Variants in AFAP1L2 observed in about 807,000 individuals in gnomAD.
AFAP1L2 encodes the protein actin filament-associated protein 1-like 2.
A neutral mutation model predicts 99.3 loss-of-function variants in AFAP1L2; 46 were observed. The observed-to-expected ratio is 0.46, with a 90% CI of 0.37 to 0.59. The LOEUF (loss-of-function observed/expected upper bound fraction) is 0.59. Ranked by LOEUF, AFAP1L2 falls within the 20% of genes least tolerant of loss-of-function variation. AFAP1L2 has a pLI of 0.00. For missense variants in AFAP1L2, 959 were observed against 1,034.9 expected, an observed-to-expected ratio of 0.93 and a Z score of 1.01; for synonymous variants, 397 against 419.1, an observed-to-expected ratio of 0.95 and a Z score of 0.64.
chr10:114,386,376 G>C (rs1269273224), intron 1 of AFAP1L2, among the ~76,000 whole-genome samples: 6 of 152,002 alleles, frequency 3.9e-5, no homozygotes, highest in Non-Finnish European at 8.8e-5. Context: ...ACTCCAGACT[G>C]GGCAACAGAG....
At chr10:114,333,374 G>A (rs1045512948) in intron 2 of AFAP1L2, 79 bp from the exon 3 acceptor site, 3 of 1,176,648 alleles carry the variant, frequency 2.5e-6, no homozygotes, top group Middle Eastern at 1.9e-4. Flanking sequence ...TGTTACTCCA[G>A]AGCTGTTTTC....
At chr10:114,305,747 G>C (rs2042197685) in intron 10 of AFAP1L2, among the ~76,000 whole-genome samples, 1 of 140,490 alleles carries the variant, frequency 7.1e-6, no homozygotes, top group Admixed American at 7.0e-5. Flanking sequence ...GATGCAGGAG[G>C]GGGTGCACGT....
At chr10:114,389,579 C>A (rs1460717836) in intron 1 of AFAP1L2, among the ~76,000 whole-genome samples, 1 of 152,150 alleles carries the variant, frequency 6.6e-6, no homozygotes, top group African/African-American at 2.4e-5. Context: ...GATGTGAACC[C>A]AAGGATGACT....
intron 7 of AFAP1L2, among the ~76,000 whole-genome samples, chr10:114,310,660 T>C (rs994833378): frequency 3.3e-5 from 5 of 152,218 alleles, no homozygotes; most frequent in African/African-American, 1.2e-4. Flanking sequence ...GCTCGTTGTT[T>C]AGCTCCTTTC....
rs920894476 is a variant in AFAP1L2, at chr10:114,333,129, G to C, written c.220+92C>G. ...CGCCAGGCGGGTCTGTGTGCCGGCTGGGAGGAAAGAGAGGTGGGACAGAAC... is the reference window on the plus strand; with the variant it reads ...CGCCAGGCGGGTCTGTGTGCCGGCTCGGAGGAAAGAGAGGTGGGACAGAAC... On this transcript the variant is annotated intron_variant, in intron 3 of 18. Coordinates refer to ENST00000304129, the MANE Select transcript of AFAP1L2 (RefSeq NM_001001936.3). 3 of 1,190,516 alleles carry C rather than the reference G, an allele frequency of 2.5e-6. No homozygotes were observed. The African/African-American group carries it at 4.6e-5, about 18-fold the overall frequency. 73.7% of individuals were successfully genotyped at this position (1,190,516 alleles called of 1,614,324 possible).
At chr10:114,386,570 G>A (rs1334644823) in intron 1 of AFAP1L2, among the ~76,000 whole-genome samples, 1 of 152,144 alleles carries the variant, frequency 6.6e-6, no homozygotes, top group Admixed American at 6.5e-5. Flanking sequence ...CCCCGGCAGA[G>A]ATGGTGCTAG....
At chr10:114,307,691 A>C (rs2134355221) in intron 10 of AFAP1L2, 114 bp downstream of exon 10, 32 of 809,906 alleles carry the variant, frequency 4.0e-5, no homozygotes, top group Non-Finnish European at 5.8e-5. Context: ...CTCCATTCCT[A>C]GAGATGTTTA....
rs774506615 is a variant in AFAP1L2 at position 114,313,943 on chromosome 10, C to G, written c.720G>C (p.Lys240Asn). 2 of 1,614,110 alleles carry G rather than the reference C, an allele frequency of 1.2e-6. No individual in the cohort carries two copies. Among genetic ancestry groups the G allele is most frequent in the Non-Finnish European group, 1.7e-6 (2 of 1,179,992 alleles). ...KQVRKKEHKL[K>N]ITPMNADVIV... ...TCACATCGGCATTCATCGGCGTGAT[C>G]TTCAGCTTGTGCTCCTTCTTCCGCA... Residue 240 changes from lysine to asparagine, a missense_variant, in exon 7 of 19, where the codon AAG becomes AAC. Around this residue, in one of 2 missense-constraint regions of AFAP1L2, gnomAD observed 383 missense variants for 472.8 expected, o/e 0.81. Coordinates refer to ENST00000304129, the MANE Select transcript of AFAP1L2 (RefSeq NM_001001936.3).
chr10:114,288,931 C>T, the AFAP1L2 span: 3 of 1,596,742 alleles, frequency 1.9e-6, no homozygotes, highest in East Asian at 4.5e-5. Flanking sequence ...TCTGCTTGCT[C>T]CTGCAGGGTG....
chr10:114,286,133 G>A, the AFAP1L2 span: 23 of 1,613,988 alleles, frequency 1.4e-5, no homozygotes, highest in African/African-American at 4.0e-5. Flanking sequence ...GGTGCCTGTG[G>A]GGGAGTACCA....
intron 1 of AFAP1L2, among the ~76,000 whole-genome samples, chr10:114,387,087 C>T (rs1158090394): frequency 2.0e-5 from 3 of 152,182 alleles, no homozygotes; most frequent in Admixed American, 2.0e-4. Flanking sequence ...TGCCTTCTGG[C>T]CATAAATACT....
chr10:114,314,206 C>G lies in AFAP1L2; in HGVS notation c.613-156G>C, dbSNP rs74506290. ...TGGACACCCCGAAGCAGGCCTGGAGCCTTAACCTCAAATATCAGCAACTCC... is the reference window on the plus strand; with the variant it reads ...TGGACACCCCGAAGCAGGCCTGGAGGCTTAACCTCAAATATCAGCAACTCC... On this transcript the variant is annotated intron_variant, in intron 6 of 18. Coordinates refer to ENST00000304129, the MANE Select transcript of AFAP1L2 (RefSeq NM_001001936.3). Among the ~76,000 whole-genome samples the G allele has an allele frequency of 1.9e-3, 292 of 152,268 alleles. 2 individuals are homozygous for G. Among genetic ancestry groups the G allele is most frequent in the African/African-American group, 6.8e-3 (284 of 41,536 alleles).
downstream of AFAP1L2, chr10:114,290,423 A>G (rs2039461754): frequency 6.5e-7 from 1 of 1,539,388 alleles, no homozygotes; most frequent in Non-Finnish European, 8.8e-7. Flanking sequence ...GAGTCCTGCC[A>G]AGTCCCACAA....
rs186020768 is a variant in AFAP1L2 at position 114,327,801 on chromosome 10, G to C, written c.315+4002C>G. Reference sequence around the variant, plus strand: ...GTTTGCCAACACCTGGCTTAGACTAGACACAAGAGCTGATGAGGGGTGGCT... The same window carrying C: ...GTTTGCCAACACCTGGCTTAGACTACACACAAGAGCTGATGAGGGGTGGCT... On this transcript the variant is annotated intron_variant, in intron 4 of 18. Coordinates refer to ENST00000304129, the MANE Select transcript of AFAP1L2 (RefSeq NM_001001936.3). Among the ~76,000 whole-genome samples the C allele has an allele frequency of 5.3e-5, 8 of 152,336 alleles. 1 individual carries two copies. The East Asian group carries it at 1.5e-3, about 29-fold the overall frequency.
At chr10:114,286,001 A>C in the AFAP1L2 span, 1 of 1,613,886 alleles carries the variant, frequency 6.2e-7, no homozygotes, top group Non-Finnish European at 8.5e-7. Flanking sequence ...CTCTGCGGGC[A>C]CCACTCTGGA....
At chr10:114,326,274 C>G (rs759159754) in intron 4 of AFAP1L2, among the ~76,000 whole-genome samples, 2 of 152,158 alleles carry the variant, frequency 1.3e-5, no homozygotes, top group Non-Finnish European at 2.9e-5. Context: ...CTTCAGGCAC[C>G]GTTTTCTCCC....
At position 114,324,755 on chromosome 10, in the gene AFAP1L2, G is replaced by T. The variant is rs192799953; in HGVS notation, c.316-1494C>A. 3.5e-3 allele frequency among the ~76,000 whole-genome samples: 540 copies of T among 152,322 alleles called. 4 individuals are homozygous for T. Among genetic ancestry groups the T allele is most frequent in the African/African-American group, 0.012 (493 of 41,576 alleles). On this transcript the variant is annotated intron_variant, in intron 4 of 18. Coordinates refer to ENST00000304129, the MANE Select transcript of AFAP1L2 (RefSeq NM_001001936.3). ...TGTGAGGTGGGGGAGGTTGTAGGGG[G>T]AGATGATGGAAGCAGCAGCCAATGG...
At chr10:114,289,676 A>G in the AFAP1L2 span, 1 of 642,588 alleles carries the variant, frequency 1.6e-6, no homozygotes. Context: ...ATCCTATTTG[A>G]CATTTAAGGT....
intron 2 of AFAP1L2, among the ~76,000 whole-genome samples, chr10:114,333,872 A>G (rs998040167): frequency 6.6e-6 from 1 of 152,182 alleles, no homozygotes; most frequent in Admixed American, 6.5e-5. Context: ...GTATTCCACC[A>G]AGTAGAGATG....
Sources: gnomAD v4.1 joint callset for allele counts (sites outside exome capture counted in the v4.1 genomes callset) on GRCh38, gnomAD v4.1.1 for gene constraint, gnomAD v4.1.1 regional missense constraint, MANE v1.5 for transcripts, NCBI Gene and HGNC (gene_info 2026-07-23, HGNC 2026-07-21) for gene names.